Variants in LTBP1 observed in about 807,000 individuals in gnomAD.
LTBP1 encodes latent transforming growth factor beta binding protein 1, also known as latent-transforming growth factor beta-binding protein 1.
In LTBP1, 129 loss-of-function variants were observed where a neutral mutation model predicts 207.6. The ratio of observed to expected loss-of-function variants is 0.62; its 90% CI spans 0.54 to 0.72. The LOEUF (loss-of-function observed/expected upper bound fraction) is 0.72. Among genes scored for constraint, LTBP1 ranks in the 30% least tolerant of loss-of-function variants. LTBP1 has a pLI of 0.00. For missense variants in LTBP1, 2,281 were observed against 2,217.2 expected (o/e 1.03, Z -0.58); for synonymous variants, 963 against 833.7 (o/e 1.16, Z -2.67).
chr2:33,186,958 A>C lies in LTBP1; in HGVS notation c.1304A>C (p.His435Pro). ...GGAAAACTTTGTCAGATCCCAGTCC[A>C]TGGTGCCAGCGTGCCTAAACTTTAT... ...FTGKLCQIPV[H>P]GASVPKLYQH... The change falls in exon 6 of 34, where the codon CAT becomes CCT. Residue 435 changes from histidine to proline, a missense_variant. His to Pro is a moderately conservative substitution (Grantham distance 77). Around this residue, in one of 3 missense-constraint regions of LTBP1, gnomAD observed 1,671 missense variants for 1,634.8 expected, o/e 1.02. Coordinates refer to ENST00000404816, the MANE Select transcript of LTBP1 (RefSeq NM_206943.4). 3 of 1,614,222 alleles carry C rather than the reference A, an allele frequency of 1.9e-6. No homozygotes were observed. In the South Asian group the frequency reaches 3.3e-5, roughly 18 times the overall value.
chr2:33,229,403 G>T (rs1184643902), intron 9 of LTBP1, among the ~76,000 whole-genome samples: 1 of 152,206 alleles, frequency 6.6e-6, no homozygotes, highest in East Asian at 1.9e-4. Flanking sequence ...GAGTCCGGGA[G>T]TTCGAGGCTG....
chr2:33,216,936 G>T (rs562366890), intron 7 of LTBP1, among the ~76,000 whole-genome samples: 9 of 152,296 alleles, frequency 5.9e-5, no homozygotes, highest in South Asian at 2.1e-4. Flanking sequence ...AGCTGGTCTC[G>T]CTTAAACATG....
intron 5 of LTBP1, among the ~76,000 whole-genome samples, chr2:33,149,220 C>CAAA (rs1199273167): frequency 5.3e-4 from 8 of 15,146 alleles, no homozygotes; most frequent in Non-Finnish European, 9.6e-4. Flanking sequence ...GTCTCACTCA[C>CAAA]AAAAAAACAA....
Position 33,050,737 on chromosome 2 carries a change from CT to C in LTBP1, c.863+29545del, listed in dbSNP as rs566264169. Among the ~76,000 whole-genome samples, 961 of 143,228 alleles carry C rather than the reference CT, an allele frequency of 6.7e-3. 6 individuals carry two copies. The highest frequency in any genetic ancestry group is 0.019 in the African/African-American group (755 of 39,264). The allele number at this position is 143,228 out of a possible 152,430, so 94.0% of individuals were successfully genotyped here. ...GATCCTGGCAAATTATTGAAACTCTCTTTTTTTTTTTTTTGAGACCGAGTCT... is the reference window on the plus strand; with the variant it reads ...GATCCTGGCAAATTATTGAAACTCTCTTTTTTTTTTTTTGAGACCGAGTCT... On this transcript the variant is annotated intron_variant, in intron 3 of 33. Coordinates refer to ENST00000404816, the MANE Select transcript of LTBP1 (RefSeq NM_206943.4).
chr2:33,036,144 G>A (rs1292289001), intron 3 of LTBP1, among the ~76,000 whole-genome samples: 1 of 152,162 alleles, frequency 6.6e-6, no homozygotes, highest in Non-Finnish European at 1.5e-5. Context: ...TCTCAAACTG[G>A]AGCATGAATC....
At chr2:33,044,805 C>G (rs189785829) in intron 3 of LTBP1, among the ~76,000 whole-genome samples, 4 of 152,298 alleles carry the variant, frequency 2.6e-5, no homozygotes, top group Admixed American at 2.0e-4. Context: ...GATTGCCATT[C>G]TAACTGGGAT....
intron 2 of LTBP1, among the ~76,000 whole-genome samples, chr2:33,001,078 T>G (rs1195312078): frequency 3.7e-5 from 5 of 134,688 alleles, no homozygotes; most frequent in African/African-American, 1.3e-4. Context: ...ACGCTGACCT[T>G]TAGTCCCTGA....
chr2:33,025,394 A>G (rs1001582834), intron 3 of LTBP1, among the ~76,000 whole-genome samples: 2 of 152,252 alleles, frequency 1.3e-5, no homozygotes, highest in African/African-American at 4.8e-5. Context: ...TTGAAAACCA[A>G]GCTACTGACT....
At chr2:33,157,058 T>A (rs2084034361) in intron 5 of LTBP1, among the ~76,000 whole-genome samples, 1 of 152,216 alleles carries the variant, frequency 6.6e-6, no homozygotes, top group Non-Finnish European at 1.5e-5. Context: ...AGGTTTTGTT[T>A]GGACTCCAGG....
At position 33,021,030 on chromosome 2, in the gene LTBP1, A is replaced by T. The variant is rs2075140896; in HGVS notation, c.687A>T (p.Pro229=). The change falls in exon 3 of 34, where the codon CCA becomes CCT. Residue 229 remains proline, a synonymous_variant. Transcript: ENST00000404816. ...TAGCTGCCCAGGACACCTCGTCACC[A>T]GTCTTTGGAGGGCAGAGTCCTGGGG... ...ETIAAQDTSS[P]VFGGQSPGAA... 6.2e-7 allele frequency: 1 copy of T among 1,613,966 alleles called. No individual in the cohort carries two copies. The highest frequency in any genetic ancestry group is 1.3e-5 in the African/African-American group (1 of 74,916).
chr2:33,014,697 G>A (rs1355435301), intron 2 of LTBP1, among the ~76,000 whole-genome samples: 6 of 152,154 alleles, frequency 3.9e-5, no homozygotes, highest in African/African-American at 1.4e-4. Flanking sequence ...CAGGGCATGG[G>A]TTACTTCCTA....
At chr2:33,314,602 C>G (rs1252996052) in intron 23 of LTBP1, among the ~76,000 whole-genome samples, 1 of 152,176 alleles carries the variant, frequency 6.6e-6, no homozygotes, top group African/African-American at 2.4e-5. Context: ...TTACCCATTT[C>G]CAATGAGTTA....
chr2:33,398,630 C>G lies in LTBP1; in HGVS notation c.*85C>G. The G allele has an allele frequency of 7.6e-7, 1 of 1,315,288 alleles. No individual in the cohort carries two copies. The highest frequency in any genetic ancestry group is 1.5e-5 in the African/African-American group (1 of 67,276). 81.5% of individuals were successfully genotyped at this position (1,315,288 alleles called of 1,614,324 possible). On this transcript the variant is annotated 3_prime_UTR_variant, in exon 34 of 34. Transcript: ENST00000404816. The stretch of plus-strand genomic sequence containing the variant: ...ATGTATTATACTTGAGACATTGCAC[C>G]TACCCCGGAAGGCTGGAAATACAGA...
At chr2:33,279,950 A>G (rs1486761632) in intron 18 of LTBP1, 89 bp from the exon 19 acceptor site, 5 of 1,407,516 alleles carry the variant, frequency 3.6e-6, no homozygotes, top group African/African-American at 1.4e-5. Context: ...TAGATATAAC[A>G]TGCTTTCCCC....
At position 33,273,744 on chromosome 2, in the gene LTBP1, G is replaced by A. The variant is rs544120737; in HGVS notation, c.2706G>A (p.Glu902=). ...TGAGATATACCTGTATATGCTACGAGGGCTACAGGTTCAGTGAACAACAGA... is the reference window on the plus strand; with the variant it reads ...TGAGATATACCTGTATATGCTACGAAGGCTACAGGTTCAGTGAACAACAGA... ...LPVRYTCICY[E]GYRFSEQQRK... is the part of the protein sequence containing the mutation. Residue 902 remains glutamate, a synonymous_variant, in exon 16 of 34, where the codon GAG becomes GAA. Coordinates refer to ENST00000404816, the MANE Select transcript of LTBP1 (RefSeq NM_206943.4). 8 of 1,610,818 alleles carry A rather than the reference G, an allele frequency of 5.0e-6. No individual in the cohort carries two copies. The African/African-American group carries it at 9.3e-5, about 19-fold the overall frequency.
Position 33,389,175 on chromosome 2 carries a change from A to C in LTBP1, c.4712-9A>C, listed in dbSNP as rs774787170. Reference sequence around the variant, plus strand: ...TGGTGGGGCCTCATGCTGCTTGTCTACTCCTTAGATGACTATGCTCAGCTG... The same window carrying C: ...TGGTGGGGCCTCATGCTGCTTGTCTCCTCCTTAGATGACTATGCTCAGCTG... On this transcript the variant is annotated splice_polypyrimidine_tract_variant and intron_variant, in intron 31 of 33. Transcript: ENST00000404816. The C allele has an allele frequency of 6.8e-6, 11 of 1,613,198 alleles. No individual in the cohort carries two copies. The highest frequency in any genetic ancestry group is 1.3e-5 in the African/African-American group (1 of 74,612).
At chr2:33,146,468 C>G (rs924890041) in intron 5 of LTBP1, among the ~76,000 whole-genome samples, 1 of 152,206 alleles carries the variant, frequency 6.6e-6, no homozygotes, top group African/African-American at 2.4e-5. Flanking sequence ...TCCAGCCTGT[C>G]TTGCTTTGCA....
chr2:33,256,997 T>C (rs142689074), intron 11 of LTBP1, among the ~76,000 whole-genome samples: 1,610 of 150,920 alleles, frequency 0.011, 8 homozygotes, highest in Non-Finnish European at 0.016. Context: ...ATATAAAATA[T>C]ATGCTAAGTA....
At chr2:33,157,992 C>G (rs1473281312) in intron 5 of LTBP1, among the ~76,000 whole-genome samples, 1 of 151,960 alleles carries the variant, frequency 6.6e-6, no homozygotes, top group Non-Finnish European at 1.5e-5. Flanking sequence ...AAAAATTAGC[C>G]AGCCGTGGTG....
Sources: gnomAD v4.1 joint callset for allele counts (sites outside exome capture counted in the v4.1 genomes callset) on GRCh38, gnomAD v4.1.1 for gene constraint, gnomAD v4.1.1 regional missense constraint, MANE v1.5 for transcripts, NCBI Gene and HGNC (gene_info 2026-07-23, HGNC 2026-07-21) for gene names.